Variants in AGBL1 observed in about 807,000 individuals in gnomAD.
The protein encoded by AGBL1 is AGBL carboxypeptidase 1.
A neutral mutation model predicts 118.9 loss-of-function variants in AGBL1; 130 were observed. The observed-to-expected ratio is 1.09, with a 90% CI of 0.95 to 1.26. AGBL1 has a LOEUF of 1.26. AGBL1 is among the 50% of genes most tolerant of loss of function. The pLI is 0.00. For missense variants in AGBL1, 1,584 were observed against 1,298.1 expected, an observed-to-expected ratio of 1.22 and a Z score of -3.38; for synonymous variants, 555 against 478.9, an observed-to-expected ratio of 1.16 and a Z score of -2.08.
At chr15:86,519,617 C>A (rs564478352) in intron 18 of AGBL1, among the ~76,000 whole-genome samples, 1 of 152,286 alleles carries the variant, frequency 6.6e-6, no homozygotes, top group South Asian at 2.1e-4. Context: ...CCTGCATTTG[C>A]ATAGATACAG....
downstream of AGBL1, chr15:87,029,059 A>T (rs965901693): frequency 1.4e-5 from 7 of 510,564 alleles, no homozygotes; most frequent in Admixed American, 1.4e-4. Context: ...TATTTGGTTC[A>T]TAGTTCTCTG....
At chr15:86,924,880 C>G (rs954207323) in intron 23 of AGBL1, among the ~76,000 whole-genome samples, 3 of 151,750 alleles carry the variant, frequency 2.0e-5, no homozygotes, top group African/African-American at 7.3e-5. Flanking sequence ...TTGAGACCAT[C>G]CTGGCTAACA....
At chr15:86,539,879 C>T (rs2083471588) in intron 19 of AGBL1, among the ~76,000 whole-genome samples, 1 of 152,178 alleles carries the variant, frequency 6.6e-6, no homozygotes, top group African/African-American at 2.4e-5. Flanking sequence ...ATCTCTACTT[C>T]AGCTCTTCTC....
intron 5 of AGBL1, among the ~76,000 whole-genome samples, chr15:86,198,556 T>C (rs984373439): frequency 6.6e-6 from 1 of 152,114 alleles, no homozygotes; most frequent in South Asian, 2.1e-4. Context: ...CCCAATGTGA[T>C]TGAATTTGGA....
At chr15:86,619,400 A>G (rs1428994921) in intron 21 of AGBL1, among the ~76,000 whole-genome samples, 1 of 152,144 alleles carries the variant, frequency 6.6e-6, no homozygotes, top group Non-Finnish European at 1.5e-5. Flanking sequence ...CTCTCTTTTA[A>G]TGTCCTAAAA....
At chr15:86,551,226 A>C (rs2083659019) in intron 20 of AGBL1, among the ~76,000 whole-genome samples, 1 of 152,114 alleles carries the variant, frequency 6.6e-6, no homozygotes, top group East Asian at 1.9e-4. Context: ...ATAAAAGCCA[A>C]AGTTAGATCA....
At chr15:86,812,055 G>C (rs542721530) in intron 22 of AGBL1, among the ~76,000 whole-genome samples, 4 of 152,278 alleles carry the variant, frequency 2.6e-5, no homozygotes, top group Non-Finnish European at 5.9e-5. Flanking sequence ...AAATGGTTTG[G>C]GTTGTAATGT....
rs374836122 is a variant in AGBL1 at position 86,271,646 on chromosome 15, A to G, written c.2015A>G (p.Lys672Arg). The change falls in exon 15 of 23, where the codon AAG becomes AGG. Residue 672 changes from lysine to arginine, a missense_variant. Physicochemically the swap from Lys to Arg is conservative, Grantham distance 26 (BLOSUM62 2). Transcript: ENST00000614907. ...ATGCAGCCCACCCTATATTCTGTGA[A>G]GGAGGCTCTTCTTGGCAAACCCACC... ...YGMQPTLYSV[K>R]EALLGKPTWI... 6.2e-7 allele frequency: 1 copy of G among 1,612,800 alleles called. No homozygotes were observed. The highest frequency in any genetic ancestry group is 8.5e-7 in the Non-Finnish European group (1 of 1,178,986).
chr15:86,433,314 T>C (rs941152451), intron 18 of AGBL1, among the ~76,000 whole-genome samples: 4 of 133,152 alleles, frequency 3.0e-5, no homozygotes, highest in East Asian at 2.5e-4. Context: ...ACATAGTTAA[T>C]GGATGGGTAG....
At chr15:86,645,267 A>G (rs995862184) in intron 21 of AGBL1, among the ~76,000 whole-genome samples, 2 of 152,226 alleles carry the variant, frequency 1.3e-5, no homozygotes, top group African/African-American at 4.8e-5. Flanking sequence ...TAAAAGTAAT[A>G]TACATACATA....
chr15:86,101,952 T>C (rs1461096045), intron 1 of AGBL1, among the ~76,000 whole-genome samples: 1 of 152,190 alleles, frequency 6.6e-6, no homozygotes, highest in Non-Finnish European at 1.5e-5. Context: ...GAAGAAACCT[T>C]TGTTCCTTTC....
At chr15:86,763,262 A>G (rs1038819166) in intron 22 of AGBL1, among the ~76,000 whole-genome samples, 14 of 152,014 alleles carry the variant, frequency 9.2e-5, no homozygotes, top group Non-Finnish European at 1.6e-4. Flanking sequence ...CATGTAGGCA[A>G]TCTCTCAAAT....
chr15:86,653,182 T>A (rs1210938731), intron 21 of AGBL1, among the ~76,000 whole-genome samples: 1 of 152,018 alleles, frequency 6.6e-6, no homozygotes, highest in Non-Finnish European at 1.5e-5. Flanking sequence ...ATGAGTTATG[T>A]CAGCACAAAC....
rs140835221 is a variant in AGBL1, at chr15:86,575,830, C to T, written c.2994+21293C>T. 5.7e-3 allele frequency among the ~76,000 whole-genome samples: 866 copies of T among 152,246 alleles called. 7 individuals carry two copies. Among genetic ancestry groups the T allele is most frequent in the Non-Finnish European group, 8.1e-3 (548 of 68,020 alleles). On this transcript the variant is annotated intron_variant, in intron 21 of 22. Transcript: ENST00000614907. The stretch of plus-strand genomic sequence containing the variant: ...TAGGCTGATCTCAAACTCTTCAGCT[C>T]AAGCAGTCCTCCCACCTTGGCCTCT...
chr15:86,158,220 A>G (rs192749871), intron 4 of AGBL1, among the ~76,000 whole-genome samples: 4 of 151,668 alleles, frequency 2.6e-5, no homozygotes, highest in African/African-American at 9.6e-5. Context: ...CTCAGTCTCT[A>G]TCTGAAAGAC....
chr15:86,211,138 A>T (rs1019497048), intron 5 of AGBL1, among the ~76,000 whole-genome samples: 7 of 152,300 alleles, frequency 4.6e-5, no homozygotes, highest in Admixed American at 3.3e-4. Flanking sequence ...TCTGGGTATC[A>T]CCAGCGGAGG....
intron 15 of AGBL1, among the ~76,000 whole-genome samples, chr15:86,277,115 A>G (rs1442535696): frequency 6.6e-6 from 1 of 151,974 alleles, no homozygotes; most frequent in Non-Finnish European, 1.5e-5. Flanking sequence ...CTTTTAGCTG[A>G]AAGTCATTCT....
At chr15:86,221,607 A>G (rs1010023378) in intron 5 of AGBL1, among the ~76,000 whole-genome samples, 1 of 152,222 alleles carries the variant, frequency 6.6e-6, no homozygotes, top group Non-Finnish European at 1.5e-5. Context: ...TCTTGGTGAC[A>G]TGCACATGAG....
At chr15:86,594,720 T>C (rs1390023712) in intron 21 of AGBL1, among the ~76,000 whole-genome samples, 1 of 152,230 alleles carries the variant, frequency 6.6e-6, no homozygotes, top group African/African-American at 2.4e-5. Flanking sequence ...AATCTATTTT[T>C]TAAAATCTCA....
Sources: gnomAD v4.1 joint callset for allele counts (sites outside exome capture counted in the v4.1 genomes callset) on GRCh38, gnomAD v4.1.1 for gene constraint, MANE v1.5 for transcripts, NCBI Gene and HGNC (gene_info 2026-07-23, HGNC 2026-07-21) for gene names.